The following ROBO2 variants were observed in gnomAD, a reference collection of about 807,000 sequenced individuals.
The protein encoded by ROBO2 is roundabout guidance receptor 2.
Under a neutral mutation model 160.8 loss-of-function variants are expected in ROBO2, and 53 were observed. That is an observed-to-expected ratio of 0.33 (90% CI 0.26 to 0.41). The LOEUF (loss-of-function observed/expected upper bound fraction) is 0.41, where lower values mean the gene tolerates loss of function less well. Ranked by LOEUF, ROBO2 falls within the 10% of genes least tolerant of loss-of-function variation. The pLI is 1.00. For missense variants in ROBO2, 1,577 were observed against 1,722.4 expected, an observed-to-expected ratio of 0.92 and a Z score of 1.49; for synonymous variants, 664 against 611.7, an observed-to-expected ratio of 1.09 and a Z score of -1.26.
chr3:76,681,260 T>C (rs976978026), intron 2 of ROBO2, among the ~76,000 whole-genome samples: 1 of 152,134 alleles, frequency 6.6e-6, no homozygotes, highest in African/African-American at 2.4e-5. Flanking sequence ...GTCTGTTGGT[T>C]GAGTACATGT....
At chr3:77,486,462 C>G (rs2085364310) in intron 4 of ROBO2, among the ~76,000 whole-genome samples, 1 of 152,186 alleles carries the variant, frequency 6.6e-6, no homozygotes, top group Non-Finnish European at 1.5e-5. Context: ...GCCATTCTGA[C>G]TGGCATGAGA....
At chr3:77,636,464 T>C (rs897549877) in intron 24 of ROBO2, among the ~76,000 whole-genome samples, 1 of 151,878 alleles carries the variant, frequency 6.6e-6, no homozygotes, top group Non-Finnish European at 1.5e-5. Context: ...TGGTTGCACG[T>C]GCCTGTAATC....
chr3:77,263,534 C>A (rs1166884669), intron 2 of ROBO2, among the ~76,000 whole-genome samples: 1 of 152,186 alleles, frequency 6.6e-6, no homozygotes, highest in Non-Finnish European at 1.5e-5. Context: ...TGTTAGTTTG[C>A]TAATGATAAG....
At position 77,635,012 on chromosome 3, in the gene ROBO2, A is replaced by G. The variant is rs372349866; in HGVS notation, c.3903A>G (p.Ala1301=). 107 of 1,614,002 alleles carry G rather than the reference A, an allele frequency of 6.6e-5. No homozygotes were observed. The highest frequency in any genetic ancestry group is 3.3e-4 in the Middle Eastern group (2 of 6,084). The change falls in exon 24 of 26, where the codon GCA becomes GCG. Residue 1301 remains alanine, a synonymous_variant. Coordinates refer to ENST00000461745, the Ensembl canonical transcript of ROBO2. The stretch of plus-strand genomic sequence containing the variant: ...GAGGGCGGATGGACCAACAACCAGC[A>G]TTGCCTCATCGAAGGGAAGGAATGA...
chr3:77,273,218 A>G (rs965690156), intron 2 of ROBO2, among the ~76,000 whole-genome samples: 7 of 152,140 alleles, frequency 4.6e-5, no homozygotes, highest in Non-Finnish European at 1.0e-4. Context: ...CATATACACT[A>G]TGGGATATGT....
At chr3:77,256,304 A>G (rs2058408831) in intron 2 of ROBO2, among the ~76,000 whole-genome samples, 2 of 152,218 alleles carry the variant, frequency 1.3e-5, no homozygotes, top group African/African-American at 4.8e-5. Context: ...TGTAGTCATC[A>G]TTTATTTTAT....
intron 2 of ROBO2, among the ~76,000 whole-genome samples, chr3:77,109,396 A>C (rs1470651539): frequency 1.3e-5 from 2 of 152,174 alleles, no homozygotes; most frequent in African/African-American, 4.8e-5. Flanking sequence ...CAATTAAAAC[A>C]TGAAAATATT....
At chr3:76,491,714 A>G (rs1411610500) in intron 2 of ROBO2, among the ~76,000 whole-genome samples, 1 of 152,166 alleles carries the variant, frequency 6.6e-6, no homozygotes, top group Non-Finnish European at 1.5e-5. Flanking sequence ...GGAGAATTTG[A>G]GCTTTCAGAT....
At position 76,615,916 on chromosome 3, in the gene ROBO2, A is replaced by T. The variant is rs2088545011; in HGVS notation, c.110-482098A>T. Among the ~76,000 whole-genome samples the T allele has an allele frequency of 2.0e-5, 3 of 152,186 alleles. No individual in the cohort carries two copies. The South Asian group carries it at 6.2e-4, about 31-fold the overall frequency. On this transcript the variant is annotated intron_variant, in intron 2 of 26. Coordinates refer to the ROBO2 transcript ENST00000487694. ...GGCTCAGAATGTAAATGAATTATCC[A>T]ATTTACAAAGCCAGCAAGTGCCAGA...
At chr3:76,006,666 G>C (rs2066027832) in intron 2 of ROBO2, among the ~76,000 whole-genome samples, 1 of 152,080 alleles carries the variant, frequency 6.6e-6, no homozygotes, top group African/African-American at 2.4e-5. Flanking sequence ...ATATTAAAGA[G>C]TCTGTAAGAA....
intron 2 of ROBO2, among the ~76,000 whole-genome samples, chr3:77,352,310 A>G (rs971361832): frequency 6.6e-6 from 1 of 152,072 alleles, no homozygotes; most frequent in East Asian, 1.9e-4. Flanking sequence ...TGTTGTCAAA[A>G]CTCTTGACTC....
chr3:76,187,803 C>T (rs192899287), intron 2 of ROBO2, among the ~76,000 whole-genome samples: 5 of 152,246 alleles, frequency 3.3e-5, no homozygotes, highest in African/African-American at 1.2e-4. Flanking sequence ...GGTTCAGCCT[C>T]TCCATATAGA....
At position 77,371,164 on chromosome 3, in the gene ROBO2, T is replaced by A. The variant is rs80307665; in HGVS notation, c.389-106250T>A. On this transcript the variant is annotated intron_variant, in intron 2 of 25. Transcript: ENST00000461745. ...TTCATTTAACAATTCTTAAAAATGC[T>A]TTATGTTCCAGGGATCAAGGTTGGT... Among the ~76,000 whole-genome samples, 1,025 of 152,322 alleles carry A rather than the reference T, an allele frequency of 6.7e-3. 13 individuals are homozygous for A. The highest frequency in any genetic ancestry group is 0.023 in the African/African-American group (972 of 41,564).
At chr3:76,424,605 C>T (rs2076133914) in intron 2 of ROBO2, among the ~76,000 whole-genome samples, 1 of 152,028 alleles carries the variant, frequency 6.6e-6, no homozygotes, top group Non-Finnish European at 1.5e-5. Context: ...ATTAGCAACA[C>T]TGTGTTATAT....
chr3:76,915,891 C>T (rs2076275250), intron 2 of ROBO2, among the ~76,000 whole-genome samples: 1 of 152,138 alleles, frequency 6.6e-6, no homozygotes, highest in African/African-American at 2.4e-5. Context: ...GGTGAGGGCC[C>T]ACTTCCTAGT....
At chr3:77,609,535 G>A (rs2153697165) in intron 21 of ROBO2, among the ~76,000 whole-genome samples, 1 of 151,892 alleles carries the variant, frequency 6.6e-6, no homozygotes, top group East Asian at 1.9e-4. Flanking sequence ...TGGATAATTT[G>A]GAGGGTTTTT....
chr3:77,636,448 T>C (rs2153718135), intron 24 of ROBO2, among the ~76,000 whole-genome samples: 1 of 151,982 alleles, frequency 6.6e-6, no homozygotes, highest in African/African-American at 2.4e-5. Flanking sequence ...AAAAATTAGC[T>C]GGGCGTGGTT....
chr3:77,645,481 T>C lies in ROBO2; in HGVS notation c.4136-573T>C, dbSNP rs528869667. ...GTAAAATACTAGGTAATAGGGAAAA[T>C]TAAGAATGTCACAGCAAAAAATGTT... On this transcript the variant is annotated intron_variant, in intron 25 of 25. Transcript: ENST00000461745. Among the ~76,000 whole-genome samples, 7 of 152,230 alleles carry C rather than the reference T, an allele frequency of 4.6e-5. No individual in the cohort carries two copies. In the South Asian group the frequency reaches 1.0e-3, roughly 23 times the overall value.
At chr3:76,667,219 T>G (rs1438293736) in intron 2 of ROBO2, among the ~76,000 whole-genome samples, 1 of 152,146 alleles carries the variant, frequency 6.6e-6, no homozygotes, top group Non-Finnish European at 1.5e-5. Flanking sequence ...AAGAGACTTT[T>G]GGGGTTGGTT....
Sources: gnomAD v4.1 joint callset for allele counts (sites outside exome capture counted in the v4.1 genomes callset) on GRCh38, gnomAD v4.1.1 for gene constraint, MANE v1.5 for transcripts, NCBI Gene and HGNC (gene_info 2026-07-23, HGNC 2026-07-21) for gene names.